The following HIP1 variants were observed in gnomAD, a reference collection of about 807,000 sequenced individuals.
HIP1 encodes the protein huntingtin-interacting protein 1.
A neutral mutation model predicts 147.6 loss-of-function variants in HIP1; 65 were observed. The ratio of observed to expected loss-of-function variants is 0.44; its 90% CI spans 0.36 to 0.54. HIP1 has a LOEUF of 0.54. HIP1 is among the 20% of genes least tolerant of loss of function. The pLI, the probability that HIP1 is intolerant of heterozygous loss-of-function variation, is 0.00. For missense variants in HIP1, 1,061 were observed against 1,299.6 expected, an observed-to-expected ratio of 0.82 and a Z score of 2.82; for synonymous variants, 479 against 504.0, an observed-to-expected ratio of 0.95 and a Z score of 0.67.
intron 1 of HIP1, among the ~76,000 whole-genome samples, chr7:75,639,683 T>G (rs1584910655): frequency 2.9e-5 from 4 of 137,926 alleles, no homozygotes; most frequent in South Asian, 2.4e-4. Flanking sequence ...GCAGGGGAGG[T>G]GGTGAAAAAG....
At chr7:75,667,150 A>G (rs1015122166) in intron 1 of HIP1, among the ~76,000 whole-genome samples, 1 of 152,268 alleles carries the variant, frequency 6.6e-6, no homozygotes, top group African/African-American at 2.4e-5. Flanking sequence ...AAAAAATGTT[A>G]TTTAAAATAG....
At chr7:75,641,492 G>GT (rs111549394) in intron 1 of HIP1, among the ~76,000 whole-genome samples, 13,260 of 147,564 alleles carry the variant, frequency 0.09, 776 homozygotes, top group East Asian at 0.22. Context: ...CTCCTTGTTT[G>GT]CTTTTTTTTT....
rs1197401029 is a variant in HIP1, at chr7:75,534,745, T to G, written c.*3427A>C. 5.4e-6 allele frequency: 1 copy of G among 186,116 alleles called. No individual in the cohort carries two copies. The highest frequency in any genetic ancestry group is 8.7e-5 in the East Asian group (1 of 11,546). The allele number at this position is 186,116 out of a possible 1,614,324, so 11.5% of individuals were successfully genotyped here. On this transcript the variant is annotated 3_prime_UTR_variant, in exon 31 of 31. Coordinates refer to ENST00000336926, the MANE Select transcript of HIP1 (RefSeq NM_005338.7). ...CACCATGTCTGGCCTCTTTCTCTTA[T>G]GTAAACAAACATCTTTTCTCTAGAG...
At chr7:75,588,461 T>C (rs1796361169) in intron 4 of HIP1, among the ~76,000 whole-genome samples, 1 of 152,162 alleles carries the variant, frequency 6.6e-6, no homozygotes, top group Non-Finnish European at 1.5e-5. Context: ...TTTCAAAATA[T>C]ATGCAGGGCA....
intron 1 of HIP1, among the ~76,000 whole-genome samples, chr7:75,689,635 G>A (rs782021942): frequency 1.2e-4 from 19 of 152,124 alleles, no homozygotes; most frequent in Non-Finnish European, 2.5e-4. Context: ...TGGCTGTGCC[G>A]TGGCATTCAA....
At chr7:75,567,754 T>C (rs1795461258) in intron 9 of HIP1, among the ~76,000 whole-genome samples, 1 of 146,422 alleles carries the variant, frequency 6.8e-6, no homozygotes, top group Non-Finnish European at 1.5e-5. Flanking sequence ...TGAGCCGAGA[T>C]CGTGCCATTG....
intron 1 of HIP1, among the ~76,000 whole-genome samples, chr7:75,633,960 A>G (rs1798331448): frequency 6.6e-6 from 1 of 152,132 alleles, no homozygotes; most frequent in Non-Finnish European, 1.5e-5. Context: ...AAAAACAGCT[A>G]TAGGGCTATA....
chr7:75,592,215 G>C (rs1554500936), intron 3 of HIP1, 103 bp from the exon 4 acceptor site: 3 of 1,383,868 alleles, frequency 2.2e-6, no homozygotes. Context: ...CAGGGGGACA[G>C]GCTGATGGGA....
intron 1 of HIP1, among the ~76,000 whole-genome samples, chr7:75,677,878 G>A (rs1554516283): frequency 6.6e-6 from 1 of 151,890 alleles, no homozygotes; most frequent in East Asian, 1.9e-4. Context: ...TCTCTGCTTG[G>A]TTGGTTCTAT....
At chr7:75,563,112 T>A (rs1469049020) in intron 10 of HIP1, 37 bp from the exon 11 acceptor site, 3 of 1,613,976 alleles carry the variant, frequency 1.9e-6, no homozygotes, top group East Asian at 4.5e-5. Context: ...AGTGCTTGCT[T>A]GCCAGGCCCC....
At chr7:75,556,253 G>C in intron 17 of HIP1, 84 bp from the exon 18 acceptor site, 1 of 1,513,778 alleles carries the variant, frequency 6.6e-7, no homozygotes, top group Non-Finnish European at 8.9e-7. Flanking sequence ...CCACCACCGG[G>C]TTGCAAGGAC....
At chr7:75,542,086 T>C in intron 28 of HIP1, 106 bp from the exon 29 acceptor site, 1 of 886,370 alleles carries the variant, frequency 1.1e-6, no homozygotes, top group Non-Finnish European at 1.9e-6. Context: ...GCTTGCCATT[T>C]GTCAACACTG....
At chr7:75,638,978 G>T in intron 1 of HIP1, 1 of 583,460 alleles carries the variant, frequency 1.7e-6, no homozygotes, top group Non-Finnish European at 2.2e-6. Context: ...CCGGCTAGGA[G>T]GGGGAGAAGG....
Position 75,622,851 on chromosome 7 carries a change from ATCT to A in HIP1, c.121-23607_121-23605del, listed in dbSNP as rs1797892547. 5.0e-4 allele frequency among the ~76,000 whole-genome samples: 15 copies of A among 29,812 alleles called. 1 individual carries two copies. The African/African-American group carries it at 5.8e-3, about 11-fold the overall frequency. 19.6% of individuals were successfully genotyped at this position (29,812 alleles called of 152,430 possible). A position where few individuals can be genotyped will look rare whatever the true frequency, so the allele number is the denominator to read the frequency against. ...GAGCAAGATTGTCAAATAAATAATT[ATCT>A]ATCTATCTATCTATCTATCTATCTA... On this transcript the variant is annotated intron_variant, in intron 1 of 30. Coordinates refer to ENST00000336926, the MANE Select transcript of HIP1 (RefSeq NM_005338.7).
chr7:75,640,920 A>G (rs1486214687), intron 1 of HIP1, among the ~76,000 whole-genome samples: 2 of 152,046 alleles, frequency 1.3e-5, no homozygotes, highest in Non-Finnish European at 2.9e-5. Flanking sequence ...GGCTTGCCCT[A>G]TCACAGCCCC....
chr7:75,578,634 C>G (rs1795927650), intron 7 of HIP1, among the ~76,000 whole-genome samples: 1 of 152,088 alleles, frequency 6.6e-6, no homozygotes, highest in African/African-American at 2.4e-5. Context: ...GCCGGAATCG[C>G]ACCACTGCAT....
intron 9 of HIP1, among the ~76,000 whole-genome samples, chr7:75,565,878 T>C (rs1554495417): frequency 2.7e-5 from 4 of 146,182 alleles, no homozygotes; most frequent in Non-Finnish European, 4.4e-5. Context: ...ATTACAGGGC[T>C]AATTTTTGTA....
At position 75,592,442 on chromosome 7, in the gene HIP1, G is replaced by C; in HGVS notation, c.257C>G (p.Ser86Cys). 6.2e-7 allele frequency: 1 copy of C among 1,612,760 alleles called. No homozygotes were observed. Among genetic ancestry groups the C allele is most frequent in the South Asian group, 1.1e-5 (1 of 91,064 alleles). ...FWSVVNRLPLSSNAVLCWKFC... is the reference protein window; with the variant it reads ...FWSVVNRLPLCSNAVLCWKFC... ...CTTCCAGCAGAGCACTGCGTTGCTA[G>C]ACAGAGGCAGGCGGTTGACAACAGA... The change falls in exon 3 of 31, where the codon TCT becomes TGT. Residue 86 changes from serine to cysteine, a missense_variant. By Grantham distance (112) the Ser-to-Cys change is moderately radical (BLOSUM62 -1). Around this residue, in one of 3 missense-constraint regions of HIP1, gnomAD observed 225 missense variants for 292.9 expected, o/e 0.77. Coordinates refer to ENST00000336926, the MANE Select transcript of HIP1 (RefSeq NM_005338.7).
intron 22 of HIP1, among the ~76,000 whole-genome samples, chr7:75,551,461 C>A (rs1478072719): frequency 2.6e-5 from 4 of 151,592 alleles, no homozygotes; most frequent in African/African-American, 9.7e-5. Context: ...GTGATCCACC[C>A]ACCTCAGCCT....
Sources: allele counts gnomAD v4.1 joint callset (sites outside exome capture counted in the v4.1 genomes callset), GRCh38; gene constraint gnomAD v4.1.1; regional missense constraint gnomAD v4.1.1; transcripts MANE v1.5; gene names NCBI Gene and HGNC (gene_info 2026-07-23, HGNC 2026-07-21).